Variants in WDPCP observed in about 807,000 individuals in gnomAD.
WDPCP encodes the protein WD repeat containing planar cell polarity effector, also known as WD repeat-containing and planar cell polarity effector protein fritz homolog.
Under a neutral mutation model 93.1 loss-of-function variants are expected in WDPCP, and 71 were observed. The ratio of observed to expected loss-of-function variants is 0.76; its 90% CI spans 0.63 to 0.93. The LOEUF (loss-of-function observed/expected upper bound fraction) is 0.93. WDPCP is among the 40% of genes least tolerant of loss of function. The pLI is 0.00. For synonymous variants in WDPCP, 315 were observed against 315.0 expected, an observed-to-expected ratio of 1.00 and a Z score of 0.00; for missense variants, 844 against 887.4, an observed-to-expected ratio of 0.95 and a Z score of 0.62.
chr2:63,239,117 G>T (rs1011945514), intron 14 of WDPCP, among the ~76,000 whole-genome samples: 1 of 152,162 alleles, frequency 6.6e-6, no homozygotes, highest in Non-Finnish European at 1.5e-5. Context: ...GTGTATATAT[G>T]GGTGTATGTG....
chr2:63,220,043 A>T (rs1677685451), intron 14 of WDPCP, among the ~76,000 whole-genome samples: 1 of 152,094 alleles, frequency 6.6e-6, no homozygotes, highest in African/African-American at 2.4e-5. Flanking sequence ...TAAAAACACA[A>T]CAAACAACAA....
chr2:63,396,379 G>A (rs1339931015), intron 10 of WDPCP, among the ~76,000 whole-genome samples: 4 of 152,090 alleles, frequency 2.6e-5, no homozygotes, highest in Non-Finnish European at 5.9e-5. Context: ...ACATACACAC[G>A]TTGCCTGTGA....
At chr2:63,494,781 G>A (rs988477103) in intron 1 of WDPCP, among the ~76,000 whole-genome samples, 20 of 152,188 alleles carry the variant, frequency 1.3e-4, no homozygotes, top group Admixed American at 1.1e-3. Context: ...TTAGCCGGGC[G>A]TGGTGGCGGG....
At chr2:63,421,909 T>C (rs1248298753) in intron 9 of WDPCP, among the ~76,000 whole-genome samples, 2 of 152,190 alleles carry the variant, frequency 1.3e-5, no homozygotes, top group African/African-American at 2.4e-5. Context: ...CTAGGATTTT[T>C]GATACAGAAA....
At chr2:63,762,589 A>T (rs1670071515) in intron 2 of WDPCP, among the ~76,000 whole-genome samples, 1 of 152,184 alleles carries the variant, frequency 6.6e-6, no homozygotes, top group Non-Finnish European at 1.5e-5. Context: ...TTGAAAGGCC[A>T]TATCCAGTGA....
intron 2 of WDPCP, among the ~76,000 whole-genome samples, chr2:63,725,810 AT>A (rs1194784433): frequency 4.6e-5 from 7 of 151,864 alleles, no homozygotes; most frequent in African/African-American, 1.7e-4. Context: ...GATGTTGAGC[AT>A]TTTTTTCATA....
At chr2:63,329,065 C>A (rs2104305310) in intron 12 of WDPCP, among the ~76,000 whole-genome samples, 1 of 152,184 alleles carries the variant, frequency 6.6e-6, no homozygotes. Flanking sequence ...TAAGATGTAC[C>A]CTATTAGCAA....
intron 9 of WDPCP, among the ~76,000 whole-genome samples, chr2:63,420,165 A>C (rs1431382198): frequency 6.6e-6 from 1 of 152,070 alleles, no homozygotes; most frequent in Non-Finnish European, 1.5e-5. Flanking sequence ...TAAAATCAGA[A>C]TAATATGATA....
chr2:63,290,296 C>A (rs1415133628), intron 13 of WDPCP, among the ~76,000 whole-genome samples: 1 of 152,002 alleles, frequency 6.6e-6, no homozygotes, highest in Non-Finnish European at 1.5e-5. Context: ...TCACAGTCTA[C>A]CTAGAATTCA....
chr2:63,501,277 G>C (rs1701531819), intron 1 of WDPCP, among the ~76,000 whole-genome samples: 1 of 152,190 alleles, frequency 6.6e-6, no homozygotes, highest in Non-Finnish European at 1.5e-5. Flanking sequence ...AAAATGAAGA[G>C]AGAAAGCCAG....
At chr2:63,218,598 C>T (rs963047546) in intron 14 of WDPCP, among the ~76,000 whole-genome samples, 6 of 152,170 alleles carry the variant, frequency 3.9e-5, no homozygotes, top group Admixed American at 6.5e-5. Context: ...GGCCCTATCT[C>T]GGCTCATTGC....
intron 12 of WDPCP, among the ~76,000 whole-genome samples, chr2:63,333,132 A>G (rs1688101199): frequency 6.6e-6 from 1 of 152,070 alleles, no homozygotes; most frequent in South Asian, 2.1e-4. Context: ...TTTGATGACT[A>G]AGCTCTGATT....
At chr2:63,826,771 AT>A (rs1170394064) in intron 1 of WDPCP, among the ~76,000 whole-genome samples, 1 of 152,198 alleles carries the variant, frequency 6.6e-6, no homozygotes, top group Non-Finnish European at 1.5e-5. Context: ...TCTTTAAAAA[AT>A]AAATGCTATA....
At chr2:63,502,612 T>C (rs756038654) in intron 1 of WDPCP, among the ~76,000 whole-genome samples, 5 of 152,210 alleles carry the variant, frequency 3.3e-5, no homozygotes, top group Non-Finnish European at 7.4e-5. Flanking sequence ...TTGTTCCCTC[T>C]ATAAATTACC....
At chr2:63,673,588 C>T (rs369138121) in intron 2 of WDPCP, among the ~76,000 whole-genome samples, 16 of 152,116 alleles carry the variant, frequency 1.1e-4, no homozygotes, top group East Asian at 3.9e-4. Context: ...GTCAGCTACA[C>T]TCTCCACAAG....
At chr2:63,599,342 T>C (rs951879805) in intron 3 of WDPCP, 1 of 1,558,252 alleles carries the variant, frequency 6.4e-7, no homozygotes, top group Admixed American at 1.8e-5. Context: ...TTAAAACATT[T>C]TTCTCTCACT....
At chr2:63,176,951 G>C (rs1673856969) in intron 14 of WDPCP, among the ~76,000 whole-genome samples, 2 of 152,168 alleles carry the variant, frequency 1.3e-5, no homozygotes, top group Non-Finnish European at 2.9e-5. Flanking sequence ...TGTAACAAAA[G>C]GGTCCAACTT....
intron 6 of WDPCP, among the ~76,000 whole-genome samples, chr2:63,458,873 A>C (rs778471410): frequency 6.6e-6 from 1 of 152,320 alleles, no homozygotes; most frequent in East Asian, 1.9e-4. Flanking sequence ...TATTCGTGTA[A>C]CAACAGACAC....
At chr2:63,216,180 G>T (rs576893579) in intron 14 of WDPCP, among the ~76,000 whole-genome samples, 9 of 152,188 alleles carry the variant, frequency 5.9e-5, no homozygotes, top group African/African-American at 2.2e-4. Context: ...CTGGAAATAC[G>T]ATTTGACCCA....
Sources: allele counts gnomAD v4.1 joint callset (sites outside exome capture counted in the v4.1 genomes callset), GRCh38; gene constraint gnomAD v4.1.1; transcripts MANE v1.5; gene names NCBI Gene and HGNC (gene_info 2026-07-23, HGNC 2026-07-21).